SETD7: variants seen among roughly 807,000 people sequenced by gnomAD.
SETD7 encodes histone-lysine N-methyltransferase SETD7.
In SETD7, 16 loss-of-function variants were observed where a neutral mutation model predicts 41.8. The observed-to-expected ratio is 0.38, with a 90% CI of 0.26 to 0.58. The LOEUF is 0.58. Ranked by LOEUF, SETD7 falls within the 20% of genes least tolerant of loss-of-function variation. The pLI is 0.64. For missense variants in SETD7, 346 were observed against 459.7 expected (o/e 0.75, Z 2.26); for synonymous variants, 163 against 169.7 (o/e 0.96, Z 0.31).
chr4:139,539,536 T>C (rs1727728938), intron 2 of SETD7, among the ~76,000 whole-genome samples: 2 of 152,204 alleles, frequency 1.3e-5, no homozygotes, highest in South Asian at 4.1e-4. Context: ...TTCTATCCTT[T>C]AAGAAAAGAT....
At chr4:139,530,801 T>A (rs2068173976) in intron 3 of SETD7, among the ~76,000 whole-genome samples, 1 of 152,250 alleles carries the variant, frequency 6.6e-6, no homozygotes, top group Admixed American at 6.5e-5. Flanking sequence ...TATATATTTT[T>A]AATTAAAAAC....
chr4:139,546,775 C>T, intron 2 of SETD7, 145 bp downstream of exon 2: 1 of 1,095,842 alleles, frequency 9.1e-7, no homozygotes, highest in Non-Finnish European at 1.3e-6. Context: ...CCCCAGTCAC[C>T]AAAGCAGTGC....
At chr4:139,533,039 G>A (rs1459005418) in intron 3 of SETD7, 126 bp downstream of exon 3, 1 of 759,974 alleles carries the variant, frequency 1.3e-6, no homozygotes, top group Non-Finnish European at 2.3e-6. Context: ...ATAAACTCTT[G>A]GTGTCAGCTG....
At chr4:139,531,895 A>C (rs1191743172) in intron 3 of SETD7, among the ~76,000 whole-genome samples, 1 of 152,118 alleles carries the variant, frequency 6.6e-6, no homozygotes, top group Non-Finnish European at 1.5e-5. Context: ...GTTTGAGACC[A>C]GTGCCTGGTC....
At chr4:139,532,009 A>T (rs1216277777) in intron 3 of SETD7, among the ~76,000 whole-genome samples, 2 of 152,104 alleles carry the variant, frequency 1.3e-5, no homozygotes, top group African/African-American at 4.8e-5. Context: ...CAGAAGAATC[A>T]CTTGAACCCA....
At chr4:139,512,997 G>A (rs970149851) in intron 7 of SETD7, among the ~76,000 whole-genome samples, 23 of 151,956 alleles carry the variant, frequency 1.5e-4, no homozygotes, top group African/African-American at 5.6e-4. Flanking sequence ...GGCCTCAAGT[G>A]ATTGGCCCAC....
chr4:139,512,281 G>T (rs1468575848), intron 7 of SETD7, among the ~76,000 whole-genome samples: 1 of 152,208 alleles, frequency 6.6e-6, no homozygotes, highest in Non-Finnish European at 1.5e-5. Context: ...CAGGGAGAAG[G>T]CTTCACCAGA....
At chr4:139,502,851 C>T (rs867176627), downstream of SETD7, among the ~76,000 whole-genome samples, 35 of 152,010 alleles carry the variant, frequency 2.3e-4, no homozygotes, top group African/African-American at 4.1e-4. Context: ...GGTGGAAGTT[C>T]GGGATCAGGA....
At chr4:139,504,156 G>A (rs1266896326), downstream of SETD7, among the ~76,000 whole-genome samples, 2 of 152,184 alleles carry the variant, frequency 1.3e-5, no homozygotes, top group Non-Finnish European at 2.9e-5. Context: ...ATTGAGTTGA[G>A]CTTTGATGTT....
intron 1 of SETD7, among the ~76,000 whole-genome samples, chr4:139,553,275 C>T (rs1300037879): frequency 6.6e-6 from 1 of 152,220 alleles, no homozygotes; most frequent in Non-Finnish European, 1.5e-5. Context: ...AGACTAATTT[C>T]TTCCCCAGAG....
intron 2 of SETD7, among the ~76,000 whole-genome samples, chr4:139,542,523 A>G (rs1727807450): frequency 6.6e-6 from 1 of 152,210 alleles, no homozygotes; most frequent in Non-Finnish European, 1.5e-5. Context: ...ATGTAGAATT[A>G]TGTGTCAATT....
Position 139,511,540 on chromosome 4 carries a change from A to G in SETD7, c.*123T>C, listed in dbSNP as rs1726875495. 29 of 1,554,604 alleles carry G rather than the reference A, an allele frequency of 1.9e-5. 1 individual carries two copies. In the South Asian group the frequency reaches 3.4e-4, roughly 18 times the overall value. On this transcript the variant is annotated 3_prime_UTR_variant, in exon 8 of 8. Coordinates refer to ENST00000274031, the MANE Select transcript of SETD7 (RefSeq NM_030648.4). Reference sequence around the variant, plus strand: ...GTTAGTATGCGAGAAAGTCGTTGCTAACGCATGGTGAGAGGATGTGACGTC... The same window carrying G: ...GTTAGTATGCGAGAAAGTCGTTGCTGACGCATGGTGAGAGGATGTGACGTC...
In SETD7 at chr4:139,529,228, G is replaced by A. The variant is rs755738030; in HGVS notation, c.373-8C>T. The A allele has an allele frequency of 1.9e-6, 3 of 1,595,358 alleles. No individual in the cohort carries two copies. The East Asian group carries it at 6.7e-5, about 36-fold the overall frequency. Reference sequence around the variant, plus strand: ...TACAAGGCTTCCTCCATCCTGATGGGAGAAACCAAAAACCAGAAAATATTA... The same window carrying A: ...TACAAGGCTTCCTCCATCCTGATGGAAGAAACCAAAAACCAGAAAATATTA... On this transcript the variant is annotated splice_region_variant and splice_polypyrimidine_tract_variant and intron_variant, in intron 3 of 7. Coordinates refer to ENST00000274031, the MANE Select transcript of SETD7 (RefSeq NM_030648.4).
chr4:139,510,033 G>T lies in SETD7; in HGVS notation c.*1630C>A. 1 of 239,262 alleles carries T rather than the reference G, an allele frequency of 4.2e-6. No individual in the cohort carries two copies. Among genetic ancestry groups the T allele is most frequent in the Non-Finnish European group, 6.8e-6 (1 of 147,560 alleles). The allele number at this position is 239,262 out of a possible 1,614,324, so 14.8% of individuals were successfully genotyped here. A position where few individuals can be genotyped will look rare whatever the true frequency, so the allele number is the denominator to read the frequency against. On this transcript the variant is annotated 3_prime_UTR_variant, in exon 8 of 8. Transcript: ENST00000274031. The stretch of plus-strand genomic sequence containing the variant: ...CCACCTGAAATGAAAGTCATGAGCA[G>T]CCTGGGATTAAGCACTTTTGTTGTA...
intron 1 of SETD7, among the ~76,000 whole-genome samples, chr4:139,550,382 C>T (rs899008669): frequency 5.9e-5 from 9 of 152,180 alleles, no homozygotes; most frequent in African/African-American, 2.2e-4. Flanking sequence ...ATCTATTCGA[C>T]GACAGCAGGA....
At chr4:139,495,304 G>A (rs1726433047), downstream of SETD7, among the ~76,000 whole-genome samples, 1 of 152,146 alleles carries the variant, frequency 6.6e-6, no homozygotes, top group African/African-American at 2.4e-5. Flanking sequence ...TTCTTTTAGA[G>A]GTTATATCAG....
At position 139,523,379 on chromosome 4, in the gene SETD7, G is replaced by A; in HGVS notation, c.619C>T (p.Leu207Phe). The change falls in exon 5 of 8, where the codon CTT (leucine) becomes TTT (phenylalanine). Residue 207 changes from leucine (L) to phenylalanine (F), a missense_variant. Leu to Phe is a conservative substitution (Grantham distance 22). Around this residue, in one of 3 missense-constraint regions of SETD7, gnomAD observed 266 missense variants for 377.0 expected, o/e 0.71. Transcript: ENST00000274031. The part of the protein sequence containing the change: ...TSSCISTNAL[L>F]PDPYESERVY... ...CTTTCTGATTCATAAGGATCTGGAA[G>A]AAGAGCATTGGTAGAAATGCAAGAT... The A allele has an allele frequency of 1.2e-6, 2 of 1,613,378 alleles. No homozygotes were observed. Among genetic ancestry groups the A allele is most frequent in the South Asian group, 1.1e-5 (1 of 90,982 alleles).
rs1026152942 is a variant in SETD7 at position 139,555,397 on chromosome 4, C to A, written c.40+701G>T. On this transcript the variant is annotated intron_variant, in intron 1 of 7. Transcript: ENST00000274031. This position sits in a 1 kb window ranked among gnomAD's most constrained non-coding sequence, Gnocchi z 4.0. Reference sequence around the variant, plus strand: ...GCACAGCGTGGCGGCTGCATCCCAGCCAAGCAGGAAGGGGGAGGGGGAGGC... The same window carrying A: ...GCACAGCGTGGCGGCTGCATCCCAGACAAGCAGGAAGGGGGAGGGGGAGGC... 6.6e-6 allele frequency among the ~76,000 whole-genome samples: 1 copy of A among 151,772 alleles called. No homozygotes were observed. The highest frequency in any genetic ancestry group is 2.4e-5 in the African/African-American group (1 of 41,310).
downstream of SETD7, chr4:139,506,017 C>T (rs1483944901): frequency 6.6e-6 from 1 of 152,588 alleles, no homozygotes; most frequent in Non-Finnish European, 1.5e-5. Flanking sequence ...ACCTAGATGA[C>T]CAAAGGAAGA....
Sources: gnomAD v4.1 joint callset for allele counts (sites outside exome capture counted in the v4.1 genomes callset) on GRCh38, gnomAD v4.1.1 for gene constraint, gnomAD v4.1.1 regional missense constraint, Gnocchi (gnomAD v3.1) non-coding constraint, MANE v1.5 for transcripts, NCBI Gene and HGNC (gene_info 2026-07-23, HGNC 2026-07-21) for gene names.